The following FHIT variants were observed in gnomAD, a reference collection of about 807,000 sequenced individuals.
FHIT encodes the protein bis(5'-adenosyl)-triphosphatase.
Under a neutral mutation model 17.9 loss-of-function variants are expected in FHIT, and 19 were observed. The observed-to-expected ratio is 1.06, with a 90% CI of 0.74 to 1.56. FHIT has a LOEUF of 1.56. FHIT is among the 40% of genes most tolerant of loss of function. The pLI is 0.00. For synonymous variants in FHIT, 81 were observed against 69.7 expected (o/e 1.16, Z -0.81); for missense variants, 248 against 189.2 (o/e 1.31, Z -1.82).
At chr3:60,027,191 T>G (rs1238373360) in intron 5 of FHIT, among the ~76,000 whole-genome samples, 1 of 149,772 alleles carries the variant, frequency 6.7e-6, no homozygotes, top group South Asian at 2.1e-4. Context: ...TATAAAAATA[T>G]GAACTTACAA....
At chr3:60,819,163 T>G (rs1029576473) in intron 4 of FHIT, among the ~76,000 whole-genome samples, 1 of 152,084 alleles carries the variant, frequency 6.6e-6, no homozygotes, top group African/African-American at 2.4e-5. Context: ...TAGGAAACAT[T>G]CCTTTGCATT....
chr3:60,838,332 C>A (rs999783661), intron 3 of FHIT, among the ~76,000 whole-genome samples: 1 of 151,996 alleles, frequency 6.6e-6, no homozygotes. Flanking sequence ...ATTAGCCGGG[C>A]GTGGTGGTGG....
At chr3:60,445,583 G>C (rs1231135200) in intron 5 of FHIT, among the ~76,000 whole-genome samples, 1 of 148,646 alleles carries the variant, frequency 6.7e-6, no homozygotes, top group Non-Finnish European at 1.5e-5. Context: ...TATCATTTGA[G>C]AGAGGTGTGA....
Position 59,885,704 on chromosome 3 carries a change from G to A in FHIT, c.348+36642C>T, listed in dbSNP as rs80185931. 8.0e-4 allele frequency among the ~76,000 whole-genome samples: 122 copies of A among 152,198 alleles called. 4 individuals carry two copies. In the East Asian group the frequency reaches 0.018, roughly 22 times the overall value. On this transcript the variant is annotated intron_variant, in intron 8 of 9. Transcript: ENST00000492590. ...GTGCCTGGGGTGTCACCAACAGGTG[G>A]GTTTTTTCCTCTGACTTCTTTCCAT...
chr3:60,284,160 ATG>A (rs1332168927), intron 5 of FHIT, among the ~76,000 whole-genome samples: 1 of 152,180 alleles, frequency 6.6e-6, no homozygotes, highest in Non-Finnish European at 1.5e-5. Flanking sequence ...CAAACTGAAA[ATG>A]AGAACAAACT....
At chr3:59,987,790 T>G (rs184978934) in intron 7 of FHIT, among the ~76,000 whole-genome samples, 3 of 152,064 alleles carry the variant, frequency 2.0e-5, no homozygotes, top group Admixed American at 1.3e-4. Flanking sequence ...ATGGCCTACT[T>G]ATGTTTTTCA....
intron 2 of FHIT, among the ~76,000 whole-genome samples, chr3:61,108,234 A>T (rs1409958751): frequency 2.6e-5 from 4 of 152,178 alleles, no homozygotes; most frequent in African/African-American, 9.6e-5. Flanking sequence ...TAACCCATAC[A>T]GCTACAGTGA....
intron 5 of FHIT, among the ~76,000 whole-genome samples, chr3:60,357,628 TCAA>T (rs1699729162): frequency 6.6e-6 from 1 of 152,142 alleles, no homozygotes; most frequent in Non-Finnish European, 1.5e-5. Context: ...TCAATTGACA[TCAA>T]CCCTAACTCA....
rs184651448 is a variant in FHIT at position 60,335,916 on chromosome 3, C to T, written c.103+200944G>A. ...TAAAAATACATTAAATTACCAATTA[C>T]ATTTTTTTCTCAGATGAAACATGCA... is the stretch of plus-strand genomic sequence containing the variant. On this transcript the variant is annotated intron_variant, in intron 5 of 9. Coordinates refer to ENST00000492590, the MANE Select transcript of FHIT (RefSeq NM_002012.4). 1.0e-3 allele frequency among the ~76,000 whole-genome samples: 158 copies of T among 152,256 alleles called. 1 individual carries two copies. Among genetic ancestry groups the T allele is most frequent in the African/African-American group, 3.5e-3 (146 of 41,532 alleles).
At chr3:60,507,663 C>T (rs1279447456) in intron 5 of FHIT, among the ~76,000 whole-genome samples, 1 of 152,046 alleles carries the variant, frequency 6.6e-6, no homozygotes, top group Non-Finnish European at 1.5e-5. Flanking sequence ...TGATCCTCTC[C>T]CTCCTTCCAT....
At chr3:61,103,842 T>A (rs1191012374) in intron 2 of FHIT, among the ~76,000 whole-genome samples, 1 of 152,196 alleles carries the variant, frequency 6.6e-6, no homozygotes, top group African/African-American at 2.4e-5. Flanking sequence ...CTTTGTTGGT[T>A]TAAAGTCTGT....
Position 60,428,130 on chromosome 3 carries a change from T to C in FHIT, c.103+108730A>G, listed in dbSNP as rs575414186. Among the ~76,000 whole-genome samples the C allele has an allele frequency of 2.0e-5, 3 of 152,268 alleles. No individual in the cohort carries two copies. The South Asian group carries it at 6.2e-4, about 32-fold the overall frequency. On this transcript the variant is annotated intron_variant, in intron 5 of 9. Transcript: ENST00000492590. ...GTAGGTCTTCCAAAGTTAATGAAAT[T>C]GGCACAACCCCAAGAGGGCTCTCAA...
intron 5 of FHIT, among the ~76,000 whole-genome samples, chr3:60,437,574 A>G (rs1312432862): frequency 1.3e-5 from 2 of 152,084 alleles, no homozygotes; most frequent in African/African-American, 2.4e-5. Context: ...ATCTCATTCC[A>G]GCAATGATCA....
At chr3:60,562,868 G>A (rs957998017) in intron 4 of FHIT, among the ~76,000 whole-genome samples, 8 of 152,112 alleles carry the variant, frequency 5.3e-5, no homozygotes. Flanking sequence ...AGAAATTTGA[G>A]GACCCAGGCA....
At chr3:59,917,033 C>T (rs572328630) in intron 8 of FHIT, among the ~76,000 whole-genome samples, 99 of 152,312 alleles carry the variant, frequency 6.5e-4, no homozygotes, top group Middle Eastern at 6.8e-3. Flanking sequence ...GGACTCTGAG[C>T]CCATTGTCAA....
intron 3 of FHIT, among the ~76,000 whole-genome samples, chr3:60,963,781 CTGTGGT>C (rs1709577884): frequency 6.6e-6 from 1 of 152,296 alleles, no homozygotes; most frequent in South Asian, 2.1e-4. Context: ...TTTGATTGCA[CTGTGGT>C]CTGAGAGACA....
intron 4 of FHIT, among the ~76,000 whole-genome samples, chr3:60,619,600 C>CAAAA (rs57198487): frequency 1.1e-5 from 1 of 88,692 alleles, no homozygotes; most frequent in African/African-American, 4.6e-5. Context: ...TACCCACATG[C>CAAAA]AAAAAAAAAA....
intron 5 of FHIT, among the ~76,000 whole-genome samples, chr3:60,393,501 A>G (rs1317500546): frequency 6.6e-6 from 1 of 151,616 alleles, no homozygotes; most frequent in African/African-American, 2.4e-5. Context: ...TACAAAGGAA[A>G]TAAGTGAGGA....
At chr3:60,370,736 A>T (rs913725965) in intron 5 of FHIT, among the ~76,000 whole-genome samples, 4 of 152,030 alleles carry the variant, frequency 2.6e-5, no homozygotes, top group African/African-American at 9.7e-5. Flanking sequence ...CTCTAATGCA[A>T]TTTTTTAAAA....
Sources: allele counts gnomAD v4.1 joint callset (sites outside exome capture counted in the v4.1 genomes callset), GRCh38; gene constraint gnomAD v4.1.1; transcripts MANE v1.5; gene names NCBI Gene and HGNC (gene_info 2026-07-23, HGNC 2026-07-21).